SV2B: variants seen among roughly 807,000 people sequenced by gnomAD.
SV2B encodes synaptic vesicle glycoprotein 2B, also known as solute carrier family 22 member B2.
In SV2B, 41 loss-of-function variants were observed where a neutral mutation model predicts 73.9. The ratio of observed to expected loss-of-function variants is 0.56; its 90% CI spans 0.43 to 0.72. The LOEUF (loss-of-function observed/expected upper bound fraction) is 0.72. SV2B is among the 30% of genes least tolerant of loss of function. SV2B has a pLI of 0.00. For synonymous variants in SV2B, 314 were observed against 314.2 expected, an observed-to-expected ratio of 1.00 and a Z score of 0.01; for missense variants, 764 against 857.8, an observed-to-expected ratio of 0.89 and a Z score of 1.37.
At chr15:91,192,853 G>T (rs1017964642) in intron 1 of SV2B, among the ~76,000 whole-genome samples, 9 of 152,204 alleles carry the variant, frequency 5.9e-5, no homozygotes, top group African/African-American at 1.7e-4. Context: ...AAACCAAGCT[G>T]TGCTATTTTT....
Position 91,137,446 on chromosome 15 carries a change from G to A in SV2B, c.-392+37083G>A, listed in dbSNP as rs931023061. Among the ~76,000 whole-genome samples, 57 of 151,642 alleles carry A rather than the reference G, an allele frequency of 3.8e-4. No individual in the cohort carries two copies. The highest frequency in any genetic ancestry group is 1.3e-3 in the African/African-American group (54 of 41,328). On this transcript the variant is annotated intron_variant, in intron 1 of 12. Transcript: ENST00000394232. This position sits in a 1 kb window ranked among gnomAD's most constrained non-coding sequence, Gnocchi z 4.9. ...GGATGAAGCAGTTAACAAATCACTA[G>A]TGAGTAACTGTGTGTCAGGCATGAG...
chr15:91,177,384 T>G (rs2044356557), intron 1 of SV2B, among the ~76,000 whole-genome samples: 1 of 151,930 alleles, frequency 6.6e-6, no homozygotes. Flanking sequence ...GGCTCTTTTT[T>G]GGTTCCATAT....
chr15:91,184,749 C>T (rs2044708893), intron 1 of SV2B, among the ~76,000 whole-genome samples: 1 of 152,186 alleles, frequency 6.6e-6, no homozygotes, highest in Non-Finnish European at 1.5e-5. Context: ...ACCTTCACCA[C>T]TTTATTCAGA....
At position 91,265,437 on chromosome 15, in the gene SV2B, A is replaced by G. The variant is rs1317401640; in HGVS notation, c.1009-1145A>G. On this transcript the variant is annotated intron_variant, in intron 6 of 12. Coordinates refer to ENST00000394232, the MANE Select transcript of SV2B (RefSeq NM_001323032.3). This position sits in a 1 kb window ranked among gnomAD's most constrained non-coding sequence, Gnocchi z 4.2. Reference sequence around the variant, plus strand: ...TAATTATGCTTCAAGTTGTCAACACACTCACTCCCTAATCCCAAAGGAAGA... The same window carrying G: ...TAATTATGCTTCAAGTTGTCAACACGCTCACTCCCTAATCCCAAAGGAAGA... 6.6e-6 allele frequency among the ~76,000 whole-genome samples: 1 copy of G among 152,190 alleles called. No homozygotes were observed. Among genetic ancestry groups the G allele is most frequent in the Non-Finnish European group, 1.5e-5 (1 of 68,034 alleles).
Position 91,252,313 on chromosome 15 carries a change from G to A in SV2B, c.633-56G>A, listed in dbSNP as rs2047517857. ...GGGTATAGGCAACTTGGTTTCTGCTGTGACCATTTTTAGTGTATGACTTGA... is the reference window on the plus strand; with the variant it reads ...GGGTATAGGCAACTTGGTTTCTGCTATGACCATTTTTAGTGTATGACTTGA... On this transcript the variant is annotated intron_variant, in intron 3 of 12. Coordinates refer to ENST00000394232, the MANE Select transcript of SV2B (RefSeq NM_001323032.3). The surrounding 1 kb of genome is among the most constrained non-coding windows in gnomAD (Gnocchi z 4.6). 6.4e-7 allele frequency: 1 copy of A among 1,555,888 alleles called. No homozygotes were observed. Among genetic ancestry groups the A allele is most frequent in the Non-Finnish European group, 8.7e-7 (1 of 1,148,774 alleles).
intron 1 of SV2B, among the ~76,000 whole-genome samples, chr15:91,181,892 A>T (rs1192512364): frequency 6.6e-6 from 1 of 152,028 alleles, no homozygotes; most frequent in Non-Finnish European, 1.5e-5. Context: ...TTGTATGTCT[A>T]TGTGCAGTAT....
At position 91,110,282 on chromosome 15, in the gene SV2B, C is replaced by A. The variant is rs527246177; in HGVS notation, c.-392+9919C>A. ...ATGGAGAGAGGGTCAAAGCTCAGGT[C>A]GGGGCTGTAGCAATGTTAAGTTTGT... On this transcript the variant is annotated intron_variant, in intron 1 of 12. Coordinates refer to ENST00000394232, the MANE Select transcript of SV2B (RefSeq NM_001323032.3). This position sits in a 1 kb window ranked among gnomAD's most constrained non-coding sequence, Gnocchi z 5.4. Among the ~76,000 whole-genome samples the A allele has an allele frequency of 5.9e-5, 9 of 152,118 alleles. No homozygotes were observed. Among genetic ancestry groups the A allele is most frequent in the African/African-American group, 1.9e-4 (8 of 41,390 alleles).
chr15:91,285,162 A>T (rs1012290741), intron 11 of SV2B, among the ~76,000 whole-genome samples: 1 of 152,214 alleles, frequency 6.6e-6, no homozygotes, highest in Admixed American at 6.5e-5. Context: ...CATGGGAAGG[A>T]ATTCTTTTCC....
At chr15:91,202,122 C>G (rs552001251) in intron 1 of SV2B, among the ~76,000 whole-genome samples, 1 of 152,296 alleles carries the variant, frequency 6.6e-6, no homozygotes, top group Admixed American at 6.5e-5. Context: ...TCCTCACTTC[C>G]CCACATAAAA....
chr15:91,156,349 A>G (rs1488280926), intron 1 of SV2B, among the ~76,000 whole-genome samples: 1 of 152,184 alleles, frequency 6.6e-6, no homozygotes, highest in Non-Finnish European at 1.5e-5. Context: ...GGGCCACTTG[A>G]TGAACACGTG....
chr15:91,160,534 G>T (rs1206218389), intron 1 of SV2B, among the ~76,000 whole-genome samples: 1 of 152,178 alleles, frequency 6.6e-6, no homozygotes, highest in African/African-American at 2.4e-5. Context: ...CTTGAACTCA[G>T]GAGACAGAGG....
chr15:91,173,308 G>A (rs1255075006), intron 1 of SV2B, among the ~76,000 whole-genome samples: 1 of 152,170 alleles, frequency 6.6e-6, no homozygotes, highest in African/African-American at 2.4e-5. Flanking sequence ...TTGTGGGACT[G>A]CAGGGGCTTG....
chr15:91,200,941 C>T (rs2045437195), intron 1 of SV2B, among the ~76,000 whole-genome samples: 1 of 152,168 alleles, frequency 6.6e-6, no homozygotes, highest in African/African-American at 2.4e-5. Context: ...CAAAACAAAA[C>T]TGAAAGCTAT....
At chr15:91,219,782 T>G (rs2046156419) in intron 1 of SV2B, among the ~76,000 whole-genome samples, 1 of 152,184 alleles carries the variant, frequency 6.6e-6, no homozygotes, top group East Asian at 1.9e-4. Context: ...TTACTTACAA[T>G]CATTCCCCAC....
intron 1 of SV2B, among the ~76,000 whole-genome samples, chr15:91,218,957 A>G (rs2046126045): frequency 6.6e-6 from 1 of 151,546 alleles, no homozygotes; most frequent in African/African-American, 2.4e-5. Flanking sequence ...CTTTTTTTTT[A>G]ATACATGGTC....
At position 91,220,356 on chromosome 15, in the gene SV2B, C is replaced by T. The variant is rs1022523032; in HGVS notation, c.-391-5517C>T. Among the ~76,000 whole-genome samples the T allele has an allele frequency of 1.1e-4, 16 of 152,302 alleles. No homozygotes were observed. The highest frequency in any genetic ancestry group is 3.4e-3 in the Middle Eastern group (1 of 294). On this transcript the variant is annotated intron_variant, in intron 1 of 12. Transcript: ENST00000394232. The surrounding 1 kb of genome is among the most constrained non-coding windows in gnomAD (Gnocchi z 4.1). ...AAGCAGGTTTTTGTTCAGGTCTTCT[C>T]ATAGCCTTTAATATAGCAATGTGCA...
chr15:91,188,933 T>C (rs1056026207), intron 1 of SV2B, among the ~76,000 whole-genome samples: 22 of 151,614 alleles, frequency 1.5e-4, no homozygotes, highest in African/African-American at 5.1e-4. Context: ...TTCAGGTGAT[T>C]CTCTAGCCTC....
At chr15:91,257,052 A>T (rs1471280372) in intron 4 of SV2B, among the ~76,000 whole-genome samples, 1 of 152,208 alleles carries the variant, frequency 6.6e-6, no homozygotes, top group Non-Finnish European at 1.5e-5. Flanking sequence ...CACAAATACC[A>T]TTTGAATTGT....
rs1232146091 is a variant in SV2B, at chr15:91,283,197, G to T, written c.1508-824G>T. Among the ~76,000 whole-genome samples, 2 of 152,198 alleles carry T rather than the reference G, an allele frequency of 1.3e-5. No homozygotes were observed. Among genetic ancestry groups the T allele is most frequent in the African/African-American group, 4.8e-5 (2 of 41,444 alleles). ...TCTGTCAGAACAGCTGATCTTAGAA[G>T]GTGTCAGAAGACTTGCAAACTGGTT... On this transcript the variant is annotated intron_variant, in intron 10 of 12. Coordinates refer to ENST00000394232, the MANE Select transcript of SV2B (RefSeq NM_001323032.3). The surrounding 1 kb of genome is among the most constrained non-coding windows in gnomAD (Gnocchi z 4.3).
Sources: gnomAD v4.1 joint callset for allele counts (sites outside exome capture counted in the v4.1 genomes callset) on GRCh38, gnomAD v4.1.1 for gene constraint, Gnocchi (gnomAD v3.1) non-coding constraint, MANE v1.5 for transcripts, NCBI Gene and HGNC (gene_info 2026-07-23, HGNC 2026-07-21) for gene names.